The following TBC1D2B variants were observed in gnomAD, a reference collection of about 807,000 sequenced individuals.
TBC1D2B encodes TBC1 domain family member 2B.
Under a neutral mutation model 100.8 loss-of-function variants are expected in TBC1D2B, and 64 were observed. The ratio of observed to expected loss-of-function variants is 0.64; its 90% CI spans 0.52 to 0.78. TBC1D2B has a LOEUF of 0.78. Ranked by LOEUF, TBC1D2B falls within the 30% of genes least tolerant of loss-of-function variation. The probability of loss-of-function intolerance (pLI) is 0.00; values close to 1 mark genes in which losing one functional copy is unlikely to be tolerated. For missense variants in TBC1D2B, 1,052 were observed against 1,218.4 expected (o/e 0.86, Z 2.03); for synonymous variants, 480 against 479.7 (o/e 1.00, Z -0.01).
chr15:78,076,128 G>C (rs1259993713), intron 1 of TBC1D2B, among the ~76,000 whole-genome samples: 1 of 152,068 alleles, frequency 6.6e-6, no homozygotes, highest in Non-Finnish European at 1.5e-5. Flanking sequence ...CTCAAAGCAG[G>C]TGGGCCCCTA....
intron 3 of TBC1D2B, among the ~76,000 whole-genome samples, chr15:78,035,510 C>T (rs1201749586): frequency 1.3e-5 from 2 of 152,194 alleles, no homozygotes; most frequent in Non-Finnish European, 1.5e-5. Flanking sequence ...ACTTTGTGCA[C>T]AGGAGGGAAG....
At chr15:78,004,193 G>A (rs1397566212) in intron 10 of TBC1D2B, among the ~76,000 whole-genome samples, 1 of 152,222 alleles carries the variant, frequency 6.6e-6, no homozygotes, top group Non-Finnish European at 1.5e-5. Flanking sequence ...CTCTGTGTCA[G>A]GCACGGGGCC....
chr15:78,072,748 G>A (rs1472831643), intron 1 of TBC1D2B, among the ~76,000 whole-genome samples: 7 of 152,176 alleles, frequency 4.6e-5, no homozygotes, highest in African/African-American at 1.7e-4. Context: ...GGCTGTTTAA[G>A]CTTCACCCTC....
In TBC1D2B at chr15:78,024,326, C is replaced by T; in HGVS notation, c.1300G>A (p.Gly434Ser). The change falls in exon 6 of 13, where the codon GGC (glycine) becomes AGC (serine). Residue 434 changes from glycine to serine, a missense_variant. Gly to Ser is a moderately conservative substitution (Grantham distance 56, BLOSUM62 0). Around this residue, in one of 4 missense-constraint regions of TBC1D2B, gnomAD observed 627 missense variants for 646.1 expected, o/e 0.97. Coordinates refer to ENST00000300584, the MANE Select transcript of TBC1D2B (RefSeq NM_144572.2). Reference protein sequence around the residue: ...QEVRTLKSKVGELNEQLGMLM... With the variant: ...QEVRTLKSKVSELNEQLGMLM... Reference sequence around the variant, plus strand: ...ATTCCCAGCTGCTCGTTGAGCTCGCCCACTTTGCTCTTCAGCGTCCTTACT... The same window carrying T: ...ATTCCCAGCTGCTCGTTGAGCTCGCTCACTTTGCTCTTCAGCGTCCTTACT... 1 of 1,614,060 alleles carries T rather than the reference C, an allele frequency of 6.2e-7. No individual in the cohort carries two copies. The highest frequency in any genetic ancestry group is 8.5e-7 in the Non-Finnish European group (1 of 1,179,894).
At chr15:78,005,490 A>C (rs2072041875) in intron 10 of TBC1D2B, among the ~76,000 whole-genome samples, 1 of 152,262 alleles carries the variant, frequency 6.6e-6, no homozygotes, top group African/African-American at 2.4e-5. Flanking sequence ...CCGCATTTTA[A>C]GAGCCACCTT....
chr15:78,012,862 C>T lies in TBC1D2B; in HGVS notation c.2231G>A (p.Trp744Ter). 1 of 1,515,242 alleles carries T rather than the reference C, an allele frequency of 6.6e-7. No individual in the cohort carries two copies. Among genetic ancestry groups the T allele is most frequent in the Non-Finnish European group, 8.8e-7 (1 of 1,132,504 alleles). The allele number at this position is 1,515,242 out of a possible 1,614,324, so 93.9% of individuals were successfully genotyped here. A position where few individuals can be genotyped will look rare whatever the true frequency, so the allele number is the denominator to read the frequency against. ...ACAGTAGCCGATATCTGGATTCCGC[C>T]AGGAGAAGGCGAGGAGGACATTGCG... ...KLRNVLLAFS[W>*]RNPDIGYCQG... Residue 744 changes from tryptophan (W) to a stop codon, truncating the protein, a stop_gained, in exon 9 of 13, where the codon TGG becomes TAG. Coordinates refer to ENST00000300584, the MANE Select transcript of TBC1D2B (RefSeq NM_144572.2). LOFTEE classifies it high-confidence loss of function.
chr15:78,049,055 A>T (rs546346011), intron 2 of TBC1D2B, among the ~76,000 whole-genome samples: 10 of 152,290 alleles, frequency 6.6e-5, no homozygotes, highest in Middle Eastern at 3.4e-3. Context: ...TCTGAAAAAA[A>T]TTTTTTTATT....
At chr15:78,035,315 C>T (rs568505426) in intron 3 of TBC1D2B, among the ~76,000 whole-genome samples, 1 of 152,344 alleles carries the variant, frequency 6.6e-6, no homozygotes, top group Non-Finnish European at 1.5e-5. Context: ...ACTCGTTCGA[C>T]ATTCGTTTGG....
Position 78,044,905 on chromosome 15 carries a change from C to T in TBC1D2B, c.678G>A (p.Glu226=), listed in dbSNP as rs1158177410. Residue 226 remains glutamate, a synonymous_variant, in exon 3 of 13, where the codon GAG becomes GAA. Coordinates refer to ENST00000300584, the MANE Select transcript of TBC1D2B (RefSeq NM_144572.2). Reference sequence around the variant, plus strand: ...GCTGCTTTCTAAAGACTCACTTGAGCTCATTGCCCCACTGTTTCAAAGAGT... The same window carrying T: ...GCTGCTTTCTAAAGACTCACTTGAGTTCATTGCCCCACTGTTTCAAAGAGT... The part of the protein sequence containing the change: ...NFYSLKQWGN[E]LKNSMSSFRP... The T allele has an allele frequency of 1.9e-6, 3 of 1,609,174 alleles. No individual in the cohort carries two copies. In the South Asian group the frequency reaches 3.3e-5, roughly 18 times the overall value.
intron 10 of TBC1D2B, among the ~76,000 whole-genome samples, chr15:78,008,349 T>C (rs1312577480): frequency 6.6e-6 from 1 of 152,182 alleles, no homozygotes; most frequent in Admixed American, 6.5e-5. Context: ...CTGCTGCCCC[T>C]CTGGTGCATC....
At chr15:78,013,629 T>C (rs577422059) in intron 8 of TBC1D2B, among the ~76,000 whole-genome samples, 2 of 152,318 alleles carry the variant, frequency 1.3e-5, no homozygotes, top group Admixed American at 6.5e-5. Context: ...AAAAACAAGA[T>C]TGATAAATTT....
In TBC1D2B at chr15:77,995,773, G is replaced by GTCCCCC. The variant is rs2071735368; in HGVS notation, c.*2381_*2386dup. ...GCCTTTGGGTTTCCCAGCTGGCAGG[G>GTCCCCC]TCCCCCTTGCAGGGGCCACGGGCTG... On this transcript the variant is annotated 3_prime_UTR_variant, in exon 13 of 13. Coordinates refer to ENST00000300584, the MANE Select transcript of TBC1D2B (RefSeq NM_144572.2). 6.6e-6 allele frequency: 1 copy of GTCCCCC among 152,356 alleles called. No individual in the cohort carries two copies. Among genetic ancestry groups the GTCCCCC allele is most frequent in the Non-Finnish European group, 1.5e-5 (1 of 68,016 alleles). 9.4% of individuals were successfully genotyped at this position (152,356 alleles called of 1,614,324 possible). A position where few individuals can be genotyped will look rare whatever the true frequency, so the allele number is the denominator to read the frequency against.
At chr15:78,021,879 T>C (rs1004310941) in intron 6 of TBC1D2B, among the ~76,000 whole-genome samples, 1 of 152,212 alleles carries the variant, frequency 6.6e-6, no homozygotes, top group African/African-American at 2.4e-5. Flanking sequence ...CTCCGTTAGC[T>C]GTCTACAGAA....
At chr15:78,057,110 C>T (rs982842260) in intron 1 of TBC1D2B, among the ~76,000 whole-genome samples, 1 of 152,166 alleles carries the variant, frequency 6.6e-6, no homozygotes, top group East Asian at 1.9e-4. Context: ...GAAAAATCTG[C>T]TTTTTACAAG....
At chr15:78,000,438 T>C (rs1276486531) in intron 12 of TBC1D2B, among the ~76,000 whole-genome samples, 1 of 152,194 alleles carries the variant, frequency 6.6e-6, no homozygotes, top group Non-Finnish European at 1.5e-5. Flanking sequence ...CTCTCGGCAA[T>C]CCTGACCCAA....
At chr15:78,067,908 G>A (rs2073683988) in intron 1 of TBC1D2B, among the ~76,000 whole-genome samples, 1 of 152,230 alleles carries the variant, frequency 6.6e-6, no homozygotes, top group East Asian at 1.9e-4. Flanking sequence ...TAACTCCCTT[G>A]TCCCATCTTC....
At chr15:78,022,577 CTT>C (rs2141687844) in intron 6 of TBC1D2B, among the ~76,000 whole-genome samples, 1 of 152,006 alleles carries the variant, frequency 6.6e-6, no homozygotes, top group African/African-American at 2.4e-5. Flanking sequence ...CGGGGTCTCA[CTT>C]TGTCATCCAG....
intron 6 of TBC1D2B, 32 bp from the exon 7 acceptor site, chr15:78,017,989 C>A: frequency 4.0e-6 from 5 of 1,259,074 alleles, no homozygotes; most frequent in Non-Finnish European, 5.6e-6. Flanking sequence ...CCTGAATTCA[C>A]ATTGGTTGAA....
At chr15:77,998,975 T>C (rs1233785952) in intron 12 of TBC1D2B, 1 of 192,654 alleles carries the variant, frequency 5.2e-6, no homozygotes, top group Non-Finnish European at 1.1e-5. Context: ...AATGTTAAGG[T>C]TATGATCCAC....
Sources: allele counts gnomAD v4.1 joint callset (sites outside exome capture counted in the v4.1 genomes callset), GRCh38; gene constraint gnomAD v4.1.1; regional missense constraint gnomAD v4.1.1; transcripts MANE v1.5; gene names NCBI Gene and HGNC (gene_info 2026-07-23, HGNC 2026-07-21).